The following ARHGAP18 variants were observed in gnomAD, a reference collection of about 807,000 sequenced individuals.
The protein encoded by ARHGAP18 is Rho GTPase activating protein 18, also known as rho GTPase-activating protein 18.
A neutral mutation model predicts 86.2 loss-of-function variants in ARHGAP18; 67 were observed. The ratio of observed to expected loss-of-function variants is 0.78; its 90% CI spans 0.64 to 0.95. The LOEUF is 0.95. Among genes scored for constraint, ARHGAP18 ranks in the 40% least tolerant of loss-of-function variants. The pLI is 0.00. For missense variants in ARHGAP18, 691 were observed against 780.4 expected (o/e 0.89, Z 1.37); for synonymous variants, 283 against 280.4 (o/e 1.01, Z -0.09).
chr6:129,584,422 T>C (rs918553969), intron 12 of ARHGAP18, among the ~76,000 whole-genome samples: 2 of 152,218 alleles, frequency 1.3e-5, no homozygotes, highest in African/African-American at 4.8e-5. Context: ...AGGGTGCTTC[T>C]TCATGTAGCA....
chr6:129,600,831 G>A lies in ARHGAP18; in HGVS notation c.1383C>T (p.Leu461=). 1 of 1,611,750 alleles carries A rather than the reference G, an allele frequency of 6.2e-7. No homozygotes were observed. The highest frequency in any genetic ancestry group is 2.2e-5 in the East Asian group (1 of 44,806). Residue 461 remains leucine (L), a synonymous_variant, in exon 11 of 15, where the codon CTC becomes CTT. Coordinates refer to ENST00000368149, the MANE Select transcript of ARHGAP18 (RefSeq NM_033515.3). The stretch of plus-strand genomic sequence containing the variant: ...TTTCTTTATTATCTATTACTCTTTG[G>A]AGAAATTCAAGAAGGGCCTGAAACA... The part of the protein sequence containing the change: ...RDTLKALLEF[L]QRVIDNKEKN...
intron 4 of ARHGAP18, among the ~76,000 whole-genome samples, chr6:129,631,736 A>T (rs1247906000): frequency 1.3e-5 from 2 of 150,496 alleles, no homozygotes; most frequent in Non-Finnish European, 2.9e-5. Context: ...TAACCACCTG[A>T]CTTTAAGATT....
At chr6:129,627,566 C>T (rs748588805) in intron 5 of ARHGAP18, among the ~76,000 whole-genome samples, 1 of 151,552 alleles carries the variant, frequency 6.6e-6, no homozygotes, top group Non-Finnish European at 1.5e-5. Flanking sequence ...GGGGGAAACT[C>T]TCCACAATTT....
At chr6:129,584,376 C>CA (rs1788350122) in intron 12 of ARHGAP18, among the ~76,000 whole-genome samples, 2 of 152,062 alleles carry the variant, frequency 1.3e-5, no homozygotes, top group South Asian at 4.2e-4. Flanking sequence ...CCATTACTGC[C>CA]ATATTAAGTG....
chr6:129,669,122 T>TC (rs1314453693), intron 1 of ARHGAP18, among the ~76,000 whole-genome samples: 2 of 151,506 alleles, frequency 1.3e-5, no homozygotes, highest in African/African-American at 2.4e-5. Flanking sequence ...GGCACTACTC[T>TC]CCTCTGTGGT....
At chr6:129,706,667 A>C (rs927086648) in intron 1 of ARHGAP18, among the ~76,000 whole-genome samples, 1 of 151,994 alleles carries the variant, frequency 6.6e-6, no homozygotes, top group African/African-American at 2.4e-5. Context: ...TGGGCAGATC[A>C]TCTGAGGTCA....
At chr6:129,682,499 C>T (rs559188874) in intron 1 of ARHGAP18, among the ~76,000 whole-genome samples, 13 of 152,312 alleles carry the variant, frequency 8.5e-5, no homozygotes, top group African/African-American at 2.9e-4. Context: ...CAAATGGCAT[C>T]TCCTCATGGA....
intron 1 of ARHGAP18, among the ~76,000 whole-genome samples, chr6:129,651,163 A>C (rs546234704): frequency 1.3e-5 from 2 of 148,198 alleles, no homozygotes; most frequent in East Asian, 3.9e-4. Flanking sequence ...ACAAAACTAC[A>C]AAGAAGTAAG....
At chr6:129,689,004 T>G (rs546337676) in intron 1 of ARHGAP18, among the ~76,000 whole-genome samples, 9 of 152,116 alleles carry the variant, frequency 5.9e-5, no homozygotes, top group Non-Finnish European at 8.8e-5. Context: ...AAGAGGCAAA[T>G]TCTAAGTAAT....
intron 7 of ARHGAP18, 60 bp downstream of exon 7, chr6:129,616,152 C>A: frequency 1.5e-6 from 2 of 1,318,672 alleles, no homozygotes; most frequent in East Asian, 2.3e-5. Flanking sequence ...AATATGAATA[C>A]AAAAACCACT....
At chr6:129,624,070 A>G (rs370900668) in intron 5 of ARHGAP18, among the ~76,000 whole-genome samples, 21 of 152,328 alleles carry the variant, frequency 1.4e-4, no homozygotes, top group African/African-American at 4.8e-4. Flanking sequence ...AAAATGGCAG[A>G]GGGAGTTTTG....
intron 1 of ARHGAP18, among the ~76,000 whole-genome samples, chr6:129,653,061 G>C (rs1773750391): frequency 2.0e-5 from 3 of 152,232 alleles, no homozygotes; most frequent in African/African-American, 7.2e-5. Flanking sequence ...TTATGAAAGA[G>C]ACATGGGCAT....
chr6:129,671,500 A>G (rs567790349), intron 1 of ARHGAP18, among the ~76,000 whole-genome samples: 2 of 152,128 alleles, frequency 1.3e-5, no homozygotes, highest in Non-Finnish European at 2.9e-5. Context: ...GGGGTTCAAG[A>G]TCAGCCTGGG....
At chr6:129,703,959 T>G (rs1450829521) in intron 1 of ARHGAP18, among the ~76,000 whole-genome samples, 1 of 148,650 alleles carries the variant, frequency 6.7e-6, no homozygotes, top group Non-Finnish European at 1.5e-5. Flanking sequence ...TACCATCCCT[T>G]TTTTTCAACA....
chr6:129,706,667 A>T (rs927086648), intron 1 of ARHGAP18, among the ~76,000 whole-genome samples: 2 of 151,994 alleles, frequency 1.3e-5, no homozygotes, highest in Non-Finnish European at 2.9e-5. Context: ...TGGGCAGATC[A>T]TCTGAGGTCA....
intron 1 of ARHGAP18, among the ~76,000 whole-genome samples, chr6:129,671,883 G>C (rs968960284): frequency 1.3e-5 from 2 of 152,126 alleles, no homozygotes; most frequent in African/African-American, 4.8e-5. Flanking sequence ...CCCTGCAAAT[G>C]ATGGGACAAC....
chr6:129,679,772 C>T (rs1584109791), intron 1 of ARHGAP18, among the ~76,000 whole-genome samples: 1 of 152,160 alleles, frequency 6.6e-6, no homozygotes. Context: ...CATGTGGCTG[C>T]TATAACAAAT....
At chr6:129,671,600 G>A (rs754246933) in intron 1 of ARHGAP18, among the ~76,000 whole-genome samples, 11 of 152,096 alleles carry the variant, frequency 7.2e-5, no homozygotes, top group Non-Finnish European at 1.2e-4. Context: ...ATAGCTACTC[G>A]GGAGGCTGAG....
chr6:129,702,366 C>T (rs1774726303), intron 1 of ARHGAP18, among the ~76,000 whole-genome samples: 1 of 152,156 alleles, frequency 6.6e-6, no homozygotes, highest in African/African-American at 2.4e-5. Context: ...TGACTCATCC[C>T]CACTCTCCTC....
Sources: gnomAD v4.1 joint callset for allele counts (sites outside exome capture counted in the v4.1 genomes callset) on GRCh38, gnomAD v4.1.1 for gene constraint, MANE v1.5 for transcripts, NCBI Gene and HGNC (gene_info 2026-07-23, HGNC 2026-07-21) for gene names.